The following PTPRK variants were observed in gnomAD, a reference collection of about 807,000 sequenced individuals.
PTPRK encodes protein tyrosine phosphatase receptor type K, also known as receptor-type tyrosine-protein phosphatase kappa.
In PTPRK, 75 loss-of-function variants were observed where a neutral mutation model predicts 178.0. The ratio of observed to expected loss-of-function variants is 0.42; its 90% CI spans 0.35 to 0.51. The LOEUF (loss-of-function observed/expected upper bound fraction) is 0.51. Among genes scored for constraint, PTPRK ranks in the 20% least tolerant of loss-of-function variants. The pLI is 0.02. For missense variants in PTPRK, 1,441 were observed against 1,797.8 expected (o/e 0.80, Z 3.59); for synonymous variants, 637 against 620.6 (o/e 1.03, Z -0.39).
intron 3 of PTPRK, among the ~76,000 whole-genome samples, chr6:128,251,640 C>T (rs1213905394): frequency 6.6e-6 from 1 of 152,166 alleles, no homozygotes; most frequent in African/African-American, 2.4e-5. Flanking sequence ...GCAGGAGCTA[C>T]AGTATAGGTT....
intron 3 of PTPRK, among the ~76,000 whole-genome samples, chr6:128,259,265 A>G (rs1321170074): frequency 1.3e-5 from 2 of 152,310 alleles, no homozygotes; most frequent in South Asian, 2.1e-4. Context: ...AAATTTTTCA[A>G]CACCTGCAAT....
intron 2 of PTPRK, among the ~76,000 whole-genome samples, chr6:128,367,566 G>T (rs1835689560): frequency 6.6e-6 from 1 of 152,040 alleles, no homozygotes; most frequent in Admixed American, 6.6e-5. Flanking sequence ...GGGCGGGCCT[G>T]GCACAGTTTG....
intron 13 of PTPRK, among the ~76,000 whole-genome samples, chr6:128,054,619 A>G (rs1315751630): frequency 2.0e-5 from 3 of 152,156 alleles, no homozygotes; most frequent in African/African-American, 7.2e-5. Context: ...TGCTATTTGC[A>G]GTGGGACACA....
intron 7 of PTPRK, among the ~76,000 whole-genome samples, chr6:128,091,988 T>C (rs1431421138): frequency 6.6e-6 from 1 of 152,154 alleles, no homozygotes; most frequent in Non-Finnish European, 1.5e-5. Flanking sequence ...ATGCAGAAAA[T>C]GGATAGGATT....
At chr6:128,133,749 C>T (rs1385339369) in intron 7 of PTPRK, among the ~76,000 whole-genome samples, 2 of 150,256 alleles carry the variant, frequency 1.3e-5, no homozygotes, top group African/African-American at 2.5e-5. Context: ...GACAGGGTCT[C>T]GCTATGTTGC....
intron 7 of PTPRK, among the ~76,000 whole-genome samples, chr6:128,181,331 T>C (rs1801875610): frequency 6.6e-6 from 1 of 152,118 alleles, no homozygotes; most frequent in Non-Finnish European, 1.5e-5. Flanking sequence ...AATTTACTTT[T>C]TGATTGGTAC....
chr6:128,375,058 C>CATTATTATCATT (rs1836835155), intron 2 of PTPRK, among the ~76,000 whole-genome samples: 1 of 132,286 alleles, frequency 7.6e-6, no homozygotes, highest in Non-Finnish European at 1.6e-5. Flanking sequence ...AGAAACACTG[C>CATTATTATCATT]ATTATTATTA....
intron 1 of PTPRK, among the ~76,000 whole-genome samples, chr6:128,486,801 AAAGG>A (rs1169563818): frequency 2.0e-5 from 3 of 151,336 alleles, no homozygotes; most frequent in African/African-American, 7.3e-5. Flanking sequence ...AGAAAGACAG[AAAGG>A]AAGGAAGGAA....
intron 13 of PTPRK, among the ~76,000 whole-genome samples, chr6:128,064,557 T>C (rs1366177910): frequency 6.6e-6 from 1 of 152,198 alleles, no homozygotes; most frequent in African/African-American, 2.4e-5. Flanking sequence ...AGATCTTTCC[T>C]GTTATCATAA....
intron 1 of PTPRK, among the ~76,000 whole-genome samples, chr6:128,474,476 G>GC: frequency 6.6e-6 from 1 of 152,162 alleles, no homozygotes; most frequent in East Asian, 1.9e-4. Context: ...ACAAGAACAA[G>GC]CTGTGGACTG....
intron 15 of PTPRK, chr6:128,001,344 A>C: frequency 1.9e-6 from 1 of 530,316 alleles, no homozygotes; most frequent in East Asian, 3.0e-5. Context: ...TTATAAATAC[A>C]AAAATGATTG....
intron 5 of PTPRK, among the ~76,000 whole-genome samples, chr6:128,235,185 C>T (rs934002343): frequency 6.6e-6 from 1 of 151,556 alleles, no homozygotes; most frequent in African/African-American, 2.4e-5. Flanking sequence ...AAAAATAATT[C>T]AAGAATATTA....
At chr6:128,413,353 C>T (rs1287862401) in intron 1 of PTPRK, among the ~76,000 whole-genome samples, 1 of 151,900 alleles carries the variant, frequency 6.6e-6, no homozygotes, top group Non-Finnish European at 1.5e-5. Flanking sequence ...AAACGCAGAG[C>T]TCTACTTATT....
chr6:128,278,258 G>C (rs1821088769), intron 3 of PTPRK, among the ~76,000 whole-genome samples: 1 of 152,010 alleles, frequency 6.6e-6, no homozygotes, highest in Non-Finnish European at 1.5e-5. Context: ...CTGGGTTCAT[G>C]CGATTCTCCT....
intron 3 of PTPRK, among the ~76,000 whole-genome samples, chr6:128,317,816 G>A (rs1052940165): frequency 2.0e-5 from 3 of 152,004 alleles, no homozygotes; most frequent in South Asian, 4.2e-4. Flanking sequence ...AAGTTTCCTG[G>A]CAGACTTTCC....
intron 2 of PTPRK, among the ~76,000 whole-genome samples, chr6:128,375,188 A>G (rs1836881317): frequency 6.6e-6 from 1 of 151,418 alleles, no homozygotes. Flanking sequence ...AGTGCCTGGA[A>G]GAATACCTGG....
intron 1 of PTPRK, among the ~76,000 whole-genome samples, chr6:128,463,584 T>C (rs1317714148): frequency 6.6e-6 from 1 of 151,676 alleles, no homozygotes; most frequent in Admixed American, 6.6e-5. Context: ...AGTAGTTTTA[T>C]ATAAAACAAG....
intron 3 of PTPRK, among the ~76,000 whole-genome samples, chr6:128,320,268 A>T (rs1416957284): frequency 6.6e-6 from 1 of 152,186 alleles, no homozygotes; most frequent in East Asian, 1.9e-4. Flanking sequence ...AATTAACACC[A>T]CAGTAATCTG....
At chr6:128,217,900 CT>C (rs1809641316) in intron 6 of PTPRK, among the ~76,000 whole-genome samples, 2 of 152,198 alleles carry the variant, frequency 1.3e-5, no homozygotes. Flanking sequence ...CTCGAAGAGA[CT>C]TAAACAGGTT....
Sources: gnomAD v4.1 joint callset for allele counts (sites outside exome capture counted in the v4.1 genomes callset) on GRCh38, gnomAD v4.1.1 for gene constraint, MANE v1.5 for transcripts, NCBI Gene and HGNC (gene_info 2026-07-23, HGNC 2026-07-21) for gene names.